The following ACSBG1 variants were observed in gnomAD, a reference collection of about 807,000 sequenced individuals.
ACSBG1 encodes acyl-CoA synthetase bubblegum family member 1.
A neutral mutation model predicts 80.2 loss-of-function variants in ACSBG1; 39 were observed. The ratio of observed to expected loss-of-function variants is 0.49; its 90% confidence interval spans 0.38 to 0.64. The LOEUF (loss-of-function observed/expected upper bound fraction) is 0.64, where lower values mean the gene tolerates loss of function less well. Ranked by LOEUF, ACSBG1 falls within the 30% of genes least tolerant of loss-of-function variation. The pLI, the probability that ACSBG1 is intolerant of heterozygous loss-of-function variation, is 0.00. For synonymous variants in ACSBG1, 392 were observed against 379.5 expected, an observed-to-expected ratio of 1.03 and a Z score of -0.38; for missense variants, 828 against 966.4, an observed-to-expected ratio of 0.86 and a Z score of 1.90.
intron 10 of ACSBG1, among the ~76,000 whole-genome samples, chr15:78,179,281 T>G (rs769687322): frequency 2.0e-5 from 3 of 151,982 alleles, no homozygotes; most frequent in Non-Finnish European, 4.4e-5. Context: ...GCTCCATAGG[T>G]TCAGGGGGCA....
chr15:78,205,351 G>A (rs1259429047), intron 2 of ACSBG1, among the ~76,000 whole-genome samples: 2 of 152,090 alleles, frequency 1.3e-5, no homozygotes, highest in African/African-American at 2.4e-5. Context: ...GGGAGCCTCC[G>A]AGGGCTCCAG....
Position 78,193,571 on chromosome 15 carries a change from C to T in ACSBG1, c.598G>A (p.Ala200Thr), listed in dbSNP as rs774511900. Residue 200 changes from alanine (A) to threonine (T), a missense_variant, in exon 5 of 14, where the codon GCT (alanine) becomes ACT (threonine). Ala to Thr is a moderately conservative substitution (Grantham distance 58, BLOSUM62 0). Around this residue, in one of 3 missense-constraint regions of ACSBG1, gnomAD observed 356 missense variants for 363.5 expected, o/e 0.98. Coordinates refer to ENST00000258873, the MANE Select transcript of ACSBG1 (RefSeq NM_015162.5). Reference sequence around the variant, plus strand: ...ATGACATTGGCGCAGCAGTCATAAGCGATGTACTGGCAGGCCTCTGGGGAG... The same window carrying T: ...ATGACATTGGCGCAGCAGTCATAAGTGATGTACTGGCAGGCCTCTGGGGAG... ...TSSPEACQYI[A>T]YDCCANVIMV... 3.1e-6 allele frequency: 5 copies of T among 1,613,708 alleles called. No homozygotes were observed. The highest frequency in any genetic ancestry group is 1.3e-5 in the African/African-American group (1 of 74,898).
At chr15:78,173,143 C>T (rs1027942720) in intron 13 of ACSBG1, among the ~76,000 whole-genome samples, 1 of 151,954 alleles carries the variant, frequency 6.6e-6, no homozygotes, top group Non-Finnish European at 1.5e-5. Context: ...GTCGGGAGTT[C>T]GAGACCAGCC....
chr15:78,184,996 GAGAC>G (rs887120378), intron 5 of ACSBG1, among the ~76,000 whole-genome samples: 17 of 152,042 alleles, frequency 1.1e-4, no homozygotes, highest in African/African-American at 9.7e-5. Context: ...AGCTATGGGA[GAGAC>G]AGACAGAGGG....
At chr15:78,211,912 G>A (rs1421235290) in intron 1 of ACSBG1, among the ~76,000 whole-genome samples, 1 of 152,152 alleles carries the variant, frequency 6.6e-6, no homozygotes, top group African/African-American at 2.4e-5. Flanking sequence ...CTTGACAGCT[G>A]GGGCCGCTTC....
At chr15:78,231,532 C>T (rs772892937) in intron 1 of ACSBG1, among the ~76,000 whole-genome samples, 3 of 152,070 alleles carry the variant, frequency 2.0e-5, no homozygotes, top group African/African-American at 4.8e-5. Context: ...ACAATCCACC[C>T]ATTTTGTCCT....
intron 13 of ACSBG1, among the ~76,000 whole-genome samples, chr15:78,173,332 G>A (rs1266124740): frequency 6.8e-5 from 7 of 102,380 alleles, no homozygotes; most frequent in Admixed American, 1.6e-4. Context: ...GTGACACAGC[G>A]AGACTCCATC....
At chr15:78,208,163 T>G (rs2075234079) in intron 1 of ACSBG1, 61 bp from the exon 2 acceptor site, 13 of 1,339,066 alleles carry the variant, frequency 9.7e-6, no homozygotes, top group Non-Finnish European at 1.4e-5. Context: ...GGCCTGGGCT[T>G]AGGGACTCCG....
In ACSBG1 at chr15:78,181,999, C is replaced by G. The variant is rs1460574385; in HGVS notation, c.1041G>C (p.Gln347His). The part of the protein sequence containing the change: ...DLWTGIQWGA[Q>H]VCFAEPDALK... Reference sequence around the variant, plus strand: ...GGGCGTCGGGTTCGGCAAAGCAAACCTGGGCCCCCCACTGGATGCCTGTCC... The same window carrying G: ...GGGCGTCGGGTTCGGCAAAGCAAACGTGGGCCCCCCACTGGATGCCTGTCC... Residue 347 changes from glutamine to histidine, a missense_variant, in exon 8 of 14, where the codon CAG becomes CAC. Physicochemically the swap from Gln to His is conservative, Grantham distance 24. Around this residue, in one of 3 missense-constraint regions of ACSBG1, gnomAD observed 271 missense variants for 375.9 expected, o/e 0.72. Transcript: ENST00000258873. 6.2e-7 allele frequency: 1 copy of G among 1,614,014 alleles called. No individual in the cohort carries two copies. Among genetic ancestry groups the G allele is most frequent in the Admixed American group, 1.7e-5 (1 of 59,988 alleles).
chr15:78,195,227 G>A (rs1053070416), intron 2 of ACSBG1, among the ~76,000 whole-genome samples: 1 of 152,194 alleles, frequency 6.6e-6, no homozygotes, highest in Admixed American at 6.5e-5. Flanking sequence ...AAGTCTCCCA[G>A]TCTCAGAAAA....
chr15:78,204,132 A>C (rs1462053057), intron 2 of ACSBG1, among the ~76,000 whole-genome samples: 1 of 152,210 alleles, frequency 6.6e-6, no homozygotes, highest in Non-Finnish European at 1.5e-5. Flanking sequence ...TGGGGACTGA[A>C]GAGCTCTGAG....
Position 78,223,424 on chromosome 15 carries a change from C to A in ACSBG1, c.131+10947G>T, listed in dbSNP as rs79025028. On this transcript the variant is annotated intron_variant, in intron 1 of 13. Coordinates refer to ENST00000258873, the MANE Select transcript of ACSBG1 (RefSeq NM_015162.5). ...CAAACCTGCACATCCTGCACATGTA[C>A]CACAAAACCAAAAATGAAAATAAAT... Among the ~76,000 whole-genome samples, 22 of 151,960 alleles carry A rather than the reference C, an allele frequency of 1.4e-4. No homozygotes were observed. The East Asian group carries it at 1.7e-3, about 12-fold the overall frequency.
intron 2 of ACSBG1, among the ~76,000 whole-genome samples, chr15:78,200,833 A>C (rs2075161052): frequency 6.6e-6 from 1 of 152,256 alleles, no homozygotes; most frequent in East Asian, 1.9e-4. Context: ...TGACCTGCTC[A>C]AAAGCCCCCG....
intron 4 of ACSBG1, 80 bp downstream of exon 4, chr15:78,193,852 T>C: frequency 2.6e-6 from 4 of 1,537,660 alleles, no homozygotes; most frequent in African/African-American, 1.4e-5. Flanking sequence ...TGGGGGCTGC[T>C]AAAAAGAGAT....
intron 3 of ACSBG1, 67 bp downstream of exon 3, chr15:78,194,439 T>C: frequency 6.7e-7 from 1 of 1,493,480 alleles, no homozygotes. Flanking sequence ...AGAGGAGGCC[T>C]GTGAGGCCCA....
At chr15:78,175,841 G>T (rs1486374610) in intron 11 of ACSBG1, among the ~76,000 whole-genome samples, 1 of 152,064 alleles carries the variant, frequency 6.6e-6, no homozygotes, top group East Asian at 1.9e-4. Flanking sequence ...ACAGACTCTG[G>T]AAATGTGGGA....
chr15:78,198,285 C>A (rs900081589), intron 2 of ACSBG1, among the ~76,000 whole-genome samples: 5 of 152,250 alleles, frequency 3.3e-5, no homozygotes, highest in Admixed American at 6.5e-5. Flanking sequence ...AAGTGATTGA[C>A]CTGCCTTGGC....
In ACSBG1 at chr15:78,193,944, G is replaced by C; in HGVS notation, c.530C>G (p.Thr177Arg). The C allele has an allele frequency of 6.2e-7, 1 of 1,613,790 alleles. No individual in the cohort carries two copies. Among genetic ancestry groups the C allele is most frequent in the Non-Finnish European group, 8.5e-7 (1 of 1,179,932 alleles). The stretch of plus-strand genomic sequence containing the variant: ...CCCCGCCACTCACCCTGCAAATACT[G>C]TGCCCACTGCCGAGAAGAACCACTC... ...SPEWFFSAVGTVFAGGIVTGI... is the reference protein window; with the variant it reads ...SPEWFFSAVGRVFAGGIVTGI... Residue 177 changes from threonine to arginine, a missense_variant, in exon 4 of 14, where the codon ACA (threonine) becomes AGA (arginine). By Grantham distance (71) the Thr-to-Arg change is moderately conservative. Around this residue, in one of 3 missense-constraint regions of ACSBG1, gnomAD observed 356 missense variants for 363.5 expected, o/e 0.98. Transcript: ENST00000258873.
At chr15:78,196,900 T>TA (rs58091839) in intron 2 of ACSBG1, among the ~76,000 whole-genome samples, 11,321 of 140,644 alleles carry the variant, frequency 0.08, 441 homozygotes, top group South Asian at 0.21. Context: ...ACCCTATCTC[T>TA]AAAAAAAAAA....
Sources: gnomAD v4.1 joint callset for allele counts (sites outside exome capture counted in the v4.1 genomes callset) on GRCh38, gnomAD v4.1.1 for gene constraint, gnomAD v4.1.1 regional missense constraint, MANE v1.5 for transcripts, NCBI Gene and HGNC (gene_info 2026-07-23, HGNC 2026-07-21) for gene names.